The following DPP10 variants were observed in gnomAD, a reference collection of about 807,000 sequenced individuals.
DPP10 encodes the protein dipeptidyl peptidase like 10.
DPP10 carries 33 observed loss-of-function variants against 120.9 expected under a neutral mutation model. The observed-to-expected ratio is 0.27, with a 90% confidence interval of 0.21 to 0.37. The LOEUF (loss-of-function observed/expected upper bound fraction) is 0.37, where lower values mean the gene tolerates loss of function less well. DPP10 is among the 10% of genes least tolerant of loss of function. The probability of loss-of-function intolerance (pLI) is 1.00; values close to 1 mark genes in which losing one functional copy is unlikely to be tolerated. For missense variants in DPP10, 816 were observed against 942.8 expected (o/e 0.87, Z 1.76); for synonymous variants, 337 against 326.1 (o/e 1.03, Z -0.36).
chr2:114,944,702 G>A (rs1231780188), intron 1 of DPP10, among the ~76,000 whole-genome samples: 2 of 152,108 alleles, frequency 1.3e-5, no homozygotes, highest in Non-Finnish European at 2.9e-5. Context: ...TTTTACATTA[G>A]GCATTTTACA....
chr2:114,646,759 A>C (rs1486985368), intron 1 of DPP10, among the ~76,000 whole-genome samples: 1 of 152,112 alleles, frequency 6.6e-6, no homozygotes, highest in Non-Finnish European at 1.5e-5. Context: ...TTGTTCTCTC[A>C]AGGGAGTTTT....
At chr2:115,113,174 A>G (rs1418182026) in intron 1 of DPP10, among the ~76,000 whole-genome samples, 5 of 204 alleles carry the variant, frequency 0.025, no homozygotes, top group Admixed American at 0.083. Flanking sequence ...TATAAAATAT[A>G]TAACACATAC....
chr2:115,306,069 C>G (rs2061347419), intron 1 of DPP10, among the ~76,000 whole-genome samples: 1 of 151,872 alleles, frequency 6.6e-6, no homozygotes, highest in East Asian at 1.9e-4. Context: ...AAATAATTGT[C>G]ATTATTATTC....
intron 1 of DPP10, among the ~76,000 whole-genome samples, chr2:114,557,158 TC>T: frequency 1.3e-5 from 2 of 152,230 alleles, no homozygotes; most frequent in Middle Eastern, 6.8e-3. Flanking sequence ...GCTTCCTTTT[TC>T]TCTCTAGTAG....
chr2:114,752,096 C>T (rs964822599), intron 1 of DPP10, among the ~76,000 whole-genome samples: 4 of 152,014 alleles, frequency 2.6e-5, no homozygotes, highest in Non-Finnish European at 5.9e-5. Flanking sequence ...ATTTGCATTT[C>T]TACTTAGTTC....
intron 3 of DPP10, among the ~76,000 whole-genome samples, chr2:115,451,633 G>T (rs549212216): frequency 1.3e-5 from 2 of 152,018 alleles, no homozygotes; most frequent in South Asian, 4.1e-4. Context: ...AGCTGCCTCT[G>T]TTGCTACCAT....
chr2:115,669,256 G>A (rs552539415), intron 5 of DPP10, among the ~76,000 whole-genome samples: 1 of 152,152 alleles, frequency 6.6e-6, no homozygotes, highest in East Asian at 1.9e-4. Flanking sequence ...AAAGCATGAT[G>A]TTTTATTGTA....
intron 2 of DPP10, among the ~76,000 whole-genome samples, chr2:115,337,022 A>C (rs1375560999): frequency 6.6e-6 from 1 of 152,014 alleles, no homozygotes; most frequent in Non-Finnish European, 1.5e-5. Context: ...TTACGTTGCA[A>C]TGTGAGTAAT....
At chr2:115,294,859 A>G (rs1291188176) in intron 1 of DPP10, among the ~76,000 whole-genome samples, 1 of 152,052 alleles carries the variant, frequency 6.6e-6, no homozygotes, top group South Asian at 2.1e-4. Flanking sequence ...GAGGTTGGTT[A>G]TCTCTTCCTG....
chr2:115,649,595 ATC>A (rs777500958), intron 5 of DPP10, among the ~76,000 whole-genome samples: 3 of 152,066 alleles, frequency 2.0e-5, no homozygotes, highest in Non-Finnish European at 2.9e-5. Flanking sequence ...TTTAAAAATA[ATC>A]TTTGGGGTTA....
intron 3 of DPP10, among the ~76,000 whole-genome samples, chr2:115,456,625 C>T (rs2073567133): frequency 6.6e-6 from 1 of 152,118 alleles, no homozygotes; most frequent in Non-Finnish European, 1.5e-5. Context: ...GAATACTATG[C>T]AGCCATAAAA....
At chr2:114,700,546 C>G (rs1359790695) in intron 1 of DPP10, among the ~76,000 whole-genome samples, 1 of 152,036 alleles carries the variant, frequency 6.6e-6, no homozygotes, top group Admixed American at 6.6e-5. Flanking sequence ...ATTGTTTCCC[C>G]AATTTACATC....
chr2:115,431,043 C>A (rs1445962411), intron 3 of DPP10, among the ~76,000 whole-genome samples: 1 of 152,164 alleles, frequency 6.6e-6, no homozygotes, highest in Non-Finnish European at 1.5e-5. Flanking sequence ...ATACTAGCTT[C>A]TTAAGAGAAT....
chr2:114,513,269 TC>T (rs1357046855), intron 1 of DPP10, among the ~76,000 whole-genome samples: 8 of 152,162 alleles, frequency 5.3e-5, no homozygotes, highest in Non-Finnish European at 7.3e-5. Flanking sequence ...ACGCCTGTAA[TC>T]CCAGCACTTT....
chr2:114,679,957 C>T (rs182175244), intron 1 of DPP10, among the ~76,000 whole-genome samples: 1 of 152,104 alleles, frequency 6.6e-6, no homozygotes, highest in Admixed American at 6.6e-5. Flanking sequence ...AACCATTCTG[C>T]AAGTCATGAC....
At chr2:115,770,339 T>G (rs545124612) in intron 13 of DPP10, among the ~76,000 whole-genome samples, 1 of 152,214 alleles carries the variant, frequency 6.6e-6, no homozygotes, top group East Asian at 1.9e-4. Flanking sequence ...CCTGTATTTC[T>G]GAAATGTTCA....
intron 1 of DPP10, among the ~76,000 whole-genome samples, chr2:115,068,225 C>T (rs944605886): frequency 4.0e-5 from 6 of 151,834 alleles, no homozygotes; most frequent in African/African-American, 1.5e-4. Flanking sequence ...CTCACCAACA[C>T]TGATTATCTT....
At chr2:115,511,310 GTCTT>G (rs923500191) in intron 4 of DPP10, among the ~76,000 whole-genome samples, 2 of 151,872 alleles carry the variant, frequency 1.3e-5, no homozygotes, top group African/African-American at 2.4e-5. Context: ...TGAAATTTAT[GTCTT>G]TCTAAGACTT....
intron 1 of DPP10, among the ~76,000 whole-genome samples, chr2:114,896,268 A>G (rs889747691): frequency 6.6e-6 from 1 of 152,202 alleles, no homozygotes; most frequent in Non-Finnish European, 1.5e-5. Context: ...CAATTCTGTG[A>G]AGAAAGTCAT....
Sources: allele counts gnomAD v4.1 joint callset (sites outside exome capture counted in the v4.1 genomes callset), GRCh38; gene constraint gnomAD v4.1.1; transcripts MANE v1.5; gene names NCBI Gene and HGNC (gene_info 2026-07-23, HGNC 2026-07-21).